The following IL5RA variants were observed in gnomAD, a reference collection of about 807,000 sequenced individuals.
IL5RA encodes the protein interleukin-5 receptor subunit alpha.
In IL5RA, 49 loss-of-function variants were observed where a neutral mutation model predicts 50.0. That is an observed-to-expected ratio of 0.98 (90% CI 0.78 to 1.24). The LOEUF (loss-of-function observed/expected upper bound fraction) is 1.24, where lower values mean the gene tolerates loss of function less well. Ranked by LOEUF, IL5RA falls within the 50% of genes most tolerant of loss-of-function variation. The probability of loss-of-function intolerance (pLI) is 0.00; values close to 1 mark genes in which losing one functional copy is unlikely to be tolerated. For missense variants in IL5RA, 600 were observed against 500.4 expected, an observed-to-expected ratio of 1.20 and a Z score of -1.90; for synonymous variants, 202 against 174.0, an observed-to-expected ratio of 1.16 and a Z score of -1.26.
At chr3:3,098,841 T>A (rs575816216) in intron 5 of IL5RA, among the ~76,000 whole-genome samples, 2 of 152,318 alleles carry the variant, frequency 1.3e-5, no homozygotes, top group Middle Eastern at 6.8e-3. Context: ...GGGTGGTGTT[T>A]GTGCAATACA....
At chr3:3,093,504 A>C (rs1014892339) in intron 8 of IL5RA, among the ~76,000 whole-genome samples, 6 of 152,236 alleles carry the variant, frequency 3.9e-5, no homozygotes, top group Admixed American at 3.3e-4. Flanking sequence ...ATTGTATTTG[A>C]CAAAAGCACC....
chr3:3,086,856 A>G (rs1702884134), intron 9 of IL5RA, among the ~76,000 whole-genome samples: 1 of 152,242 alleles, frequency 6.6e-6, no homozygotes, highest in South Asian at 2.1e-4. Context: ...AATGTGGTAA[A>G]CATACACAAT....
At chr3:3,093,415 G>C (rs1486902414) in intron 8 of IL5RA, among the ~76,000 whole-genome samples, 2 of 152,208 alleles carry the variant, frequency 1.3e-5, no homozygotes, top group Non-Finnish European at 2.9e-5. Context: ...ACATTGCCAT[G>C]ATATCCAAAC....
intron 2 of IL5RA, among the ~76,000 whole-genome samples, chr3:3,106,435 C>T (rs533738982): frequency 3.6e-4 from 55 of 152,022 alleles, no homozygotes; most frequent in Non-Finnish European, 6.0e-4. Context: ...AGGAAAGGAT[C>T]GGCATATAAA....
chr3:3,099,654 T>TTA (rs1415077983), intron 5 of IL5RA, among the ~76,000 whole-genome samples: 6 of 122,870 alleles, frequency 4.9e-5, no homozygotes, highest in Non-Finnish European at 8.4e-5. Context: ...CAGATTTTAT[T>TTA]TTATTTATTA....
chr3:3,107,884 T>C (rs3804791), intron 2 of IL5RA, among the ~76,000 whole-genome samples: 47,418 of 152,142 alleles, frequency 0.31, 7,714 homozygotes, highest in East Asian at 0.36. Flanking sequence ...TCTTGAGAAC[T>C]GGTCAAATTC....
chr3:3,082,287 G>A (rs567532520), intron 9 of IL5RA, among the ~76,000 whole-genome samples: 30 of 152,220 alleles, frequency 2.0e-4, no homozygotes, highest in African/African-American at 5.8e-4. Context: ...AAAGTATTTC[G>A]AGGTAATTTG....
intron 8 of IL5RA, among the ~76,000 whole-genome samples, chr3:3,093,643 C>G (rs1703231605): frequency 6.6e-6 from 1 of 152,228 alleles, no homozygotes; most frequent in Admixed American, 6.5e-5. Context: ...AGACTAGTTT[C>G]TCTTCATCCT....
rs149958345 is a variant in IL5RA at position 3,092,017 on chromosome 3, G to A, written c.994+207C>T. The A allele has an allele frequency of 8.9e-3, 11,437 of 1,283,748 alleles. 66 individuals carry two copies. The highest frequency in any genetic ancestry group is 9.8e-3 in the Non-Finnish European group (9,953 of 1,017,622). 79.5% of individuals were successfully genotyped at this position (1,283,748 alleles called of 1,614,324 possible). On this transcript the variant is annotated intron_variant, in intron 9 of 11. Coordinates refer to ENST00000446632, the MANE Select transcript of IL5RA (RefSeq NM_175726.4). This position sits in a 1 kb window ranked among gnomAD's most constrained non-coding sequence, Gnocchi z 4.2. Reference sequence around the variant, plus strand: ...AGGCACCAGGTCTAGGAGAGTTGGCGCTAATGAGAAGCCTAGACACTTAAA... The same window carrying A: ...AGGCACCAGGTCTAGGAGAGTTGGCACTAATGAGAAGCCTAGACACTTAAA...
chr3:3,105,624 T>TCCCCCCC (rs3214846), intron 2 of IL5RA: 3 of 139,754 alleles, frequency 2.1e-5, no homozygotes, highest in Non-Finnish European at 4.6e-5. Context: ...TTTGTTTTGT[T>TCCCCCCC]CCCCCCCCCA....
chr3:3,070,119 T>G lies in IL5RA; in HGVS notation c.*106A>C. On this transcript the variant is annotated 3_prime_UTR_variant, in exon 12 of 12. Transcript: ENST00000446632. ...TGTATTGCTTCGCAGGTAAATTGAGTGTTGCCTAAATTCTGAACACCTCTT... is the reference window on the plus strand; with the variant it reads ...TGTATTGCTTCGCAGGTAAATTGAGGGTTGCCTAAATTCTGAACACCTCTT... 1.4e-6 allele frequency: 1 copy of G among 701,046 alleles called. No homozygotes were observed. The highest frequency in any genetic ancestry group is 2.5e-6 in the Non-Finnish European group (1 of 397,110). The allele number at this position is 701,046 out of a possible 1,614,324, so 43.4% of individuals were successfully genotyped here. A position where few individuals can be genotyped will look rare whatever the true frequency, so the allele number is the denominator to read the frequency against.
intron 7 of IL5RA, among the ~76,000 whole-genome samples, chr3:3,097,651 C>T (rs1382226283): frequency 6.6e-6 from 1 of 152,120 alleles, no homozygotes; most frequent in Non-Finnish European, 1.5e-5. Context: ...GCTAAATATC[C>T]TACAGTGCCC....
rs17883682 is a variant in IL5RA, at chr3:3,098,600, G to A, written c.368-310C>T. Among the ~76,000 whole-genome samples the A allele has an allele frequency of 6.6e-3, 1,001 of 152,170 alleles. 7 individuals are homozygous for A. The highest frequency in any genetic ancestry group is 0.022 in the African/African-American group (921 of 41,512). ...TTTTTGTATTTTCAGTAGAGCTGGC[G>A]TTTCACCATGATGGCCAGGCTGGTC... is the stretch of plus-strand genomic sequence containing the variant. On this transcript the variant is annotated intron_variant, in intron 5 of 11. Coordinates refer to ENST00000446632, the MANE Select transcript of IL5RA (RefSeq NM_175726.4).
In IL5RA at chr3:3,066,536, A is replaced by G. The variant is rs916535972; in HGVS notation, c.*3689T>C. 2 of 152,192 alleles carry G rather than the reference A, an allele frequency of 1.3e-5. No individual in the cohort carries two copies. The highest frequency in any genetic ancestry group is 4.8e-5 in the African/African-American group (2 of 41,440). The allele number at this position is 152,192 out of a possible 1,614,324, so 9.4% of individuals were successfully genotyped here. A position where few individuals can be genotyped will look rare whatever the true frequency, so the allele number is the denominator to read the frequency against. On this transcript the variant is annotated 3_prime_UTR_variant, in exon 12 of 12. Transcript: ENST00000446632. ...AGTCCTTAGGCTAGCACCAAGTCCT[A>G]TTCTAATTAGGTTTTTCACCTTTAC...
At chr3:3,101,593 T>G (rs1328350433) in intron 5 of IL5RA, 99 bp downstream of exon 5, 1 of 1,215,418 alleles carries the variant, frequency 8.2e-7, no homozygotes, top group South Asian at 1.4e-5. Context: ...GAAGAACGGG[T>G]GACTGACTAA....
chr3:3,097,621 G>C (rs937699706), intron 7 of IL5RA, among the ~76,000 whole-genome samples: 8 of 152,122 alleles, frequency 5.3e-5, no homozygotes, highest in African/African-American at 1.2e-4. Flanking sequence ...GGCATCTAGT[G>C]TGTAGAGGCC....
chr3:3,069,659 T>TCTCTCA lies in IL5RA; in HGVS notation c.*565_*566insTGAGAG, dbSNP rs1491402419. On this transcript the variant is annotated 3_prime_UTR_variant, in exon 12 of 12. Coordinates refer to ENST00000446632, the MANE Select transcript of IL5RA (RefSeq NM_175726.4). ...CTCTCTCTCTCTCTCTCTCTCTCTCTCATACACACACATACACAATCTACC... is the reference window on the plus strand; with the variant it reads ...CTCTCTCTCTCTCTCTCTCTCTCTCTCTCTCACATACACACACATACACAATCTACC... 1 of 149,148 alleles carries TCTCTCA rather than the reference T, an allele frequency of 6.7e-6. No homozygotes were observed. The allele number at this position is 149,148 out of a possible 1,614,324, so 9.2% of individuals were successfully genotyped here.
chr3:3,087,101 A>T (rs927951058), intron 9 of IL5RA, among the ~76,000 whole-genome samples: 3 of 152,146 alleles, frequency 2.0e-5, no homozygotes, highest in Non-Finnish European at 4.4e-5. Flanking sequence ...ATGAAAAGTC[A>T]CCTATTCAGT....
chr3:3,085,791 T>A (rs1412272818), intron 9 of IL5RA, among the ~76,000 whole-genome samples: 1 of 152,132 alleles, frequency 6.6e-6, no homozygotes, highest in Non-Finnish European at 1.5e-5. Context: ...GATTCTAGGA[T>A]GTGTCACGGG....
Sources: allele counts gnomAD v4.1 joint callset (sites outside exome capture counted in the v4.1 genomes callset), GRCh38; gene constraint gnomAD v4.1.1; non-coding constraint Gnocchi (gnomAD v3.1); transcripts MANE v1.5; gene names NCBI Gene and HGNC (gene_info 2026-07-23, HGNC 2026-07-21).